The following ALKBH3 variants were observed in gnomAD, a reference collection of about 807,000 sequenced individuals.
ALKBH3 encodes alpha-ketoglutarate-dependent dioxygenase alkB homolog 3.
ALKBH3 carries 51 observed loss-of-function variants against 43.9 expected under a neutral mutation model. The observed-to-expected ratio is 1.16, with a 90% CI of 0.93 to 1.47. The LOEUF (loss-of-function observed/expected upper bound fraction) is 1.47, where lower values mean the gene tolerates loss of function less well. Ranked by LOEUF, ALKBH3 falls within the 40% of genes most tolerant of loss-of-function variation. The pLI is 0.00. For missense variants in ALKBH3, 361 were observed against 351.9 expected (o/e 1.03, Z -0.21); for synonymous variants, 102 against 115.2 (o/e 0.89, Z 0.73).
At chr11:43,896,023 A>G (rs919552213) in intron 7 of ALKBH3, among the ~76,000 whole-genome samples, 1 of 152,224 alleles carries the variant, frequency 6.6e-6, no homozygotes. Flanking sequence ...TGAACTAGCT[A>G]CTTTTGTTGT....
At chr11:43,896,737 CT>C (rs34839314) in intron 7 of ALKBH3, among the ~76,000 whole-genome samples, 7,521 of 152,174 alleles carry the variant, frequency 0.049, 447 homozygotes, top group Admixed American at 0.2. Flanking sequence ...GGCTTTTCTG[CT>C]GAGATCAGTG....
intron 1 of ALKBH3, among the ~76,000 whole-genome samples, chr11:43,882,205 A>C (rs1485766684): frequency 6.6e-6 from 1 of 152,214 alleles, no homozygotes; most frequent in Non-Finnish European, 1.5e-5. Context: ...AATGGAATAT[A>C]TGCTTGGAAA....
chr11:43,899,296 G>A (rs756265657), intron 7 of ALKBH3: 25 of 704,322 alleles, frequency 3.5e-5, no homozygotes, highest in Middle Eastern at 2.7e-4. Context: ...ATGTGACCAC[G>A]TGGCCGGGCC....
At chr11:43,886,736 AATGTAGTAC>A in intron 5 of ALKBH3, 83 bp downstream of exon 5, 2 of 1,336,516 alleles carry the variant, frequency 1.5e-6, no homozygotes, top group Non-Finnish European at 2.1e-6. Context: ...AGAGAAAGAA[AATGTAGTAC>A]ATATACATTA....
In ALKBH3 at chr11:43,920,119, A is replaced by G; in HGVS notation, c.*109A>G. 1 of 1,081,456 alleles carries G rather than the reference A, an allele frequency of 9.2e-7. No individual in the cohort carries two copies. The highest frequency in any genetic ancestry group is 1.4e-6 in the Non-Finnish European group (1 of 732,424). 67.0% of individuals were successfully genotyped at this position (1,081,456 alleles called of 1,614,324 possible). ...ATCTCATGATGTGGCTGTTGGGAAG[A>G]TGGTGGGGTTTGTTTGCCAGCTTGG... On this transcript the variant is annotated 3_prime_UTR_variant, in exon 10 of 10. Transcript: ENST00000302708.
rs117459690 is a variant in ALKBH3 at position 43,917,515 on chromosome 11, G to C, written c.670-1523G>C. On this transcript the variant is annotated intron_variant, in intron 8 of 9. Coordinates refer to ENST00000302708, the MANE Select transcript of ALKBH3 (RefSeq NM_139178.4). ...AGCAGAAATTCTTCTGCTTCTAGCT[G>C]TGTTGAACCTTGATCTGATAGCTGA... 5.9e-3 allele frequency among the ~76,000 whole-genome samples: 902 copies of C among 152,320 alleles called. 5 individuals are homozygous for C. Among genetic ancestry groups the C allele is most frequent in the Middle Eastern group, 0.017 (5 of 294 alleles).
chr11:43,902,827 C>T (rs1031876355), intron 8 of ALKBH3, among the ~76,000 whole-genome samples: 2 of 152,176 alleles, frequency 1.3e-5, no homozygotes, highest in South Asian at 2.1e-4. Flanking sequence ...AAACTCCTGA[C>T]CTCAGGTGAT....
rs368115862 is a variant in ALKBH3, at chr11:43,881,148, T to C, written c.-102T>C. On this transcript the variant is annotated 5_prime_UTR_variant, in exon 1 of 10. Coordinates refer to ENST00000302708, the MANE Select transcript of ALKBH3 (RefSeq NM_139178.4). ...TCAACCGTGCGGAAAGTGACTGCCC[T>C]GTTTACTGAGGAAAAACTGGGGCTC... The C allele has an allele frequency of 2.6e-5, 4 of 152,364 alleles. No homozygotes were observed. The South Asian group carries it at 6.2e-4, about 24-fold the overall frequency. The allele number at this position is 152,364 out of a possible 1,614,324, so 9.4% of individuals were successfully genotyped here.
chr11:43,918,019 A>G (rs1386707444), intron 8 of ALKBH3, among the ~76,000 whole-genome samples: 1 of 152,220 alleles, frequency 6.6e-6, no homozygotes, highest in Non-Finnish European at 1.5e-5. Context: ...AGTAATAAAC[A>G]TAAACACAGT....
chr11:43,894,124 T>A (rs968517345), intron 7 of ALKBH3, among the ~76,000 whole-genome samples: 8 of 152,232 alleles, frequency 5.3e-5, no homozygotes, highest in Admixed American at 2.6e-4. Context: ...AAATAAGCAA[T>A]TTCAGTCATG....
At chr11:43,885,094 A>G (rs1278886745) in intron 4 of ALKBH3, among the ~76,000 whole-genome samples, 2 of 152,142 alleles carry the variant, frequency 1.3e-5, no homozygotes, top group East Asian at 3.9e-4. Flanking sequence ...TAGTGCCTTC[A>G]TTGGTGAAGG....
At chr11:43,902,431 A>G (rs1343555932) in intron 8 of ALKBH3, among the ~76,000 whole-genome samples, 1 of 152,354 alleles carries the variant, frequency 6.6e-6, no homozygotes, top group Middle Eastern at 3.4e-3. Flanking sequence ...TAAAAAATCA[A>G]AACTGTAGTC....
At chr11:43,885,005 C>T (rs548287127) in intron 4 of ALKBH3, among the ~76,000 whole-genome samples, 1 of 152,238 alleles carries the variant, frequency 6.6e-6, no homozygotes, top group East Asian at 1.9e-4. Context: ...ATCCTCCCAC[C>T]TCAGCCTCCC....
intron 8 of ALKBH3, among the ~76,000 whole-genome samples, chr11:43,911,675 A>G (rs1054156808): frequency 1.3e-5 from 2 of 152,190 alleles, no homozygotes; most frequent in South Asian, 2.1e-4. Flanking sequence ...TATTATTTCC[A>G]TTGTACAGAT....
At chr11:43,917,192 G>A (rs1021989830) in intron 8 of ALKBH3, among the ~76,000 whole-genome samples, 1 of 152,192 alleles carries the variant, frequency 6.6e-6, no homozygotes, top group African/African-American at 2.4e-5. Flanking sequence ...TGTGAAATGT[G>A]ATCATTGAAC....
rs754758259 is a variant in ALKBH3, at chr11:43,919,984, C to A, written c.835C>A (p.Pro279Thr). 16 of 1,614,068 alleles carry A rather than the reference C, an allele frequency of 9.9e-6. No homozygotes were observed. The highest frequency in any genetic ancestry group is 1.3e-5 in the Non-Finnish European group (15 of 1,179,990). Residue 279 changes from proline (P) to threonine (T), a missense_variant, in exon 10 of 10, where the codon CCA becomes ACA. Coordinates refer to ENST00000302708, the MANE Select transcript of ALKBH3 (RefSeq NM_139178.4). Reference sequence around the variant, plus strand: ...GAACCTGACCTTTCGGACAGTCTATCCAGACCCTCGAGGGGCACCCTGGTG... The same window carrying A: ...GAACCTGACCTTTCGGACAGTCTATACAGACCCTCGAGGGGCACCCTGGTG... ...RVNLTFRTVY[P>T]DPRGAPW
chr11:43,885,875 G>C (rs934291710), intron 4 of ALKBH3, among the ~76,000 whole-genome samples: 2 of 152,194 alleles, frequency 1.3e-5, no homozygotes, highest in African/African-American at 4.8e-5. Flanking sequence ...TATTTGCCTG[G>C]ATTAAAGGTC....
intron 8 of ALKBH3, among the ~76,000 whole-genome samples, chr11:43,914,791 C>G (rs1590382151): frequency 6.6e-6 from 1 of 152,034 alleles, no homozygotes; most frequent in Non-Finnish European, 1.5e-5. Context: ...GCCTTAATAT[C>G]TGTGGTTGTA....
rs1554976906 is a variant in ALKBH3, at chr11:43,900,215, A to AATTTTTTTTTTTTTTTTTTTTTTTTT, written c.460-1301_460-1300insATTTTTTTTTTTTTTTTTTTTTTTTT. 6.9e-5 allele frequency among the ~76,000 whole-genome samples: 6 copies of AATTTTTTTTTTTTTTTTTTTTTTTTT among 87,150 alleles called. 2 individuals carry two copies. Among genetic ancestry groups the AATTTTTTTTTTTTTTTTTTTTTTTTT allele is most frequent in the African/African-American group, 1.3e-4 (3 of 22,382 alleles). The allele number at this position is 87,150 out of a possible 152,430, so 57.2% of individuals were successfully genotyped here. ...ATTGCATTTTTTTTATTTTAATTTA[A>AATTTTTTTTTTTTTTTTTTTTTTTTT]TTTTTTTTTTTTTTTTTTTTTTTTT... On this transcript the variant is annotated intron_variant, in intron 7 of 9. Coordinates refer to ENST00000302708, the MANE Select transcript of ALKBH3 (RefSeq NM_139178.4).
Sources: allele counts gnomAD v4.1 joint callset (sites outside exome capture counted in the v4.1 genomes callset), GRCh38; gene constraint gnomAD v4.1.1; transcripts MANE v1.5; gene names NCBI Gene and HGNC (gene_info 2026-07-23, HGNC 2026-07-21).